The following CXADR variants were observed in gnomAD, a reference collection of about 807,000 sequenced individuals.
CXADR encodes coxsackievirus and adenovirus receptor.
A neutral mutation model predicts 40.3 loss-of-function variants in CXADR; 20 were observed. The ratio of observed to expected loss-of-function variants is 0.50; its 90% CI spans 0.35 to 0.72. The LOEUF (loss-of-function observed/expected upper bound fraction) is 0.72, where lower values mean the gene tolerates loss of function less well. Ranked by LOEUF, CXADR falls within the 30% of genes least tolerant of loss-of-function variation. The probability of loss-of-function intolerance (pLI) is 0.01; values close to 1 mark genes in which losing one functional copy is unlikely to be tolerated. For synonymous variants in CXADR, 150 were observed against 161.3 expected, an observed-to-expected ratio of 0.93 and a Z score of 0.53; for missense variants, 332 against 449.1, an observed-to-expected ratio of 0.74 and a Z score of 2.36.
chr21:17,634,250 G>C, the CXADR span, among the ~76,000 whole-genome samples: 3 of 152,206 alleles, frequency 2.0e-5, no homozygotes, highest in South Asian at 4.2e-4. Context: ...AGTCCTATAT[G>C]GGGGGGATCC....
chr21:17,628,575 A>G, the CXADR span, among the ~76,000 whole-genome samples: 1 of 151,738 alleles, frequency 6.6e-6, no homozygotes, highest in African/African-American at 2.4e-5. Flanking sequence ...ATCTCGGCTC[A>G]CTGCAACCTC....
At chr21:17,596,952 A>C (rs2123430628), downstream of CXADR, among the ~76,000 whole-genome samples, 1 of 152,192 alleles carries the variant, frequency 6.6e-6, no homozygotes, top group Admixed American at 6.5e-5. Flanking sequence ...TGTTGTCCTT[A>C]TTTGATAAAA....
At chr21:17,593,983 T>G, downstream of CXADR, 1 of 1,271,502 alleles carries the variant, frequency 7.9e-7, no homozygotes, top group Non-Finnish European at 1.1e-6. Context: ...AGTTTGATGG[T>G]TTGGCCCATC....
chr21:17,631,821 C>A, the CXADR span, among the ~76,000 whole-genome samples: 1 of 152,158 alleles, frequency 6.6e-6, no homozygotes, highest in South Asian at 2.1e-4. Flanking sequence ...CTAGATACCA[C>A]TTGATTATGA....
At chr21:17,627,878 GT>G in the CXADR span, among the ~76,000 whole-genome samples, 1 of 152,152 alleles carries the variant, frequency 6.6e-6, no homozygotes. Context: ...CAAATTTAAA[GT>G]TTGGGTCAAT....
At chr21:17,610,174 A>C in the CXADR span, among the ~76,000 whole-genome samples, 3 of 152,210 alleles carry the variant, frequency 2.0e-5, no homozygotes, top group Non-Finnish European at 4.4e-5. Context: ...GAAGTGGGAA[A>C]CCAAGAAAAG....
the CXADR span, among the ~76,000 whole-genome samples, chr21:17,615,145 C>A: frequency 6.6e-5 from 10 of 152,090 alleles, no homozygotes; most frequent in Admixed American, 6.6e-4. Flanking sequence ...GAATTAGTGC[C>A]CTTGTAAGTG....
At chr21:17,600,644 G>C in the CXADR span, among the ~76,000 whole-genome samples, 7 of 151,740 alleles carry the variant, frequency 4.6e-5, no homozygotes. Flanking sequence ...AACATGGTGA[G>C]ACCCTGTCTC....
chr21:17,634,566 G>A, the CXADR span, among the ~76,000 whole-genome samples: 1 of 152,258 alleles, frequency 6.6e-6, no homozygotes, highest in South Asian at 2.1e-4. Flanking sequence ...GTTTATTTAT[G>A]TATTCTCCAA....
At chr21:17,534,625 A>G (rs1364468157) in intron 1 of CXADR, among the ~76,000 whole-genome samples, 1 of 152,048 alleles carries the variant, frequency 6.6e-6, no homozygotes, top group African/African-American at 2.4e-5. Flanking sequence ...TAGAGTTTAG[A>G]GTATCTCAGT....
At chr21:17,558,044 GT>G (rs1360209414) in intron 3 of CXADR, among the ~76,000 whole-genome samples, 1 of 151,828 alleles carries the variant, frequency 6.6e-6, no homozygotes, top group Non-Finnish European at 1.5e-5. Context: ...GTTCTAAACA[GT>G]TACCCAGAAA....
At chr21:17,563,296 TA>T (rs1338588349) in intron 6 of CXADR, among the ~76,000 whole-genome samples, 1 of 152,120 alleles carries the variant, frequency 6.6e-6, no homozygotes, top group Admixed American at 6.5e-5. Flanking sequence ...GATATTTTTT[TA>T]AAAAGTAGAG....
At chr21:17,621,672 G>T in the CXADR span, among the ~76,000 whole-genome samples, 2 of 152,094 alleles carry the variant, frequency 1.3e-5, no homozygotes, top group South Asian at 4.2e-4. Context: ...CATCCCACTT[G>T]CCTTCAGCCA....
At chr21:17,524,182 C>T (rs1363732253) in intron 1 of CXADR, among the ~76,000 whole-genome samples, 1 of 152,056 alleles carries the variant, frequency 6.6e-6, no homozygotes. Flanking sequence ...GTGTGAGCCA[C>T]TGTGCCTGGC....
At chr21:17,612,427 A>G in the CXADR span, 1 of 152,194 alleles carries the variant, frequency 6.6e-6, no homozygotes, top group African/African-American at 2.4e-5. Flanking sequence ...GCGCTGTGGG[A>G]AACGTGGCAG....
In CXADR at chr21:17,591,915, A is replaced by G. The variant is rs117697688; in HGVS notation, c.1018-1237A>G. Among the ~76,000 whole-genome samples, 145 of 152,078 alleles carry G rather than the reference A, an allele frequency of 9.5e-4. 1 individual carries two copies. In the East Asian group the frequency reaches 0.027, roughly 28 times the overall value. ...ACTTAAGACCCAGTTGCTGAGTGAC[A>G]GTTTTATTTCATTAGGAATAGATTG... is the stretch of plus-strand genomic sequence containing the variant. On this transcript the variant is annotated intron_variant, in intron 7 of 7. Coordinates refer to the CXADR transcript ENST00000400169.
intron 7 of CXADR, among the ~76,000 whole-genome samples, chr21:17,592,462 G>C (rs1988986421): frequency 1.3e-5 from 2 of 151,678 alleles, no homozygotes; most frequent in South Asian, 4.2e-4. Flanking sequence ...CTACAGATGA[G>C]GACCAATTTG....
intron 7 of CXADR, among the ~76,000 whole-genome samples, chr21:17,581,802 A>C (rs13048517): frequency 1 from 151,617 of 151,618 alleles, 75,808 homozygotes; most frequent in Non-Finnish European, 1. Flanking sequence ...AGCTCTGACA[A>C]CACTGCAACT....
At chr21:17,629,664 T>C in the CXADR span, among the ~76,000 whole-genome samples, 1 of 152,136 alleles carries the variant, frequency 6.6e-6, no homozygotes, top group Non-Finnish European at 1.5e-5. Context: ...GTCTTTATTT[T>C]AATTCTATGA....
Sources: allele counts gnomAD v4.1 joint callset (sites outside exome capture counted in the v4.1 genomes callset), GRCh38; gene constraint gnomAD v4.1.1; transcripts MANE v1.5; gene names NCBI Gene and HGNC (gene_info 2026-07-23, HGNC 2026-07-21).